KYNU: variants seen among roughly 807,000 people sequenced by gnomAD.
KYNU encodes L-kynurenine hydrolase.
A neutral mutation model predicts 59.2 loss-of-function variants in KYNU; 54 were observed. The ratio of observed to expected loss-of-function variants is 0.91; its 90% CI spans 0.73 to 1.14. The LOEUF (loss-of-function observed/expected upper bound fraction) is 1.14. KYNU is among the 50% of genes most tolerant of loss of function. KYNU has a pLI of 0.00. For synonymous variants in KYNU, 177 were observed against 192.0 expected, an observed-to-expected ratio of 0.92 and a Z score of 0.65; for missense variants, 567 against 554.4, an observed-to-expected ratio of 1.02 and a Z score of -0.23.
At chr2:143,024,410 T>C (rs1686494603) in intron 10 of KYNU, among the ~76,000 whole-genome samples, 1 of 152,048 alleles carries the variant, frequency 6.6e-6, no homozygotes, top group Non-Finnish European at 1.5e-5. Flanking sequence ...CTTGGCTGAC[T>C]TAAGTTCTTT....
chr2:142,945,997 C>A (rs1385915117), intron 4 of KYNU, among the ~76,000 whole-genome samples: 1 of 152,132 alleles, frequency 6.6e-6, no homozygotes, highest in Non-Finnish European at 1.5e-5. Flanking sequence ...TTTGGCCTCC[C>A]AAAGTGCTAG....
intron 8 of KYNU, among the ~76,000 whole-genome samples, chr2:142,977,910 A>G (rs1453591977): frequency 6.6e-6 from 1 of 152,208 alleles, no homozygotes; most frequent in Non-Finnish European, 1.5e-5. Flanking sequence ...ATTCACTCTG[A>G]AAAGAGGCAT....
At chr2:143,026,973 C>A (rs2104909686) in intron 10 of KYNU, among the ~76,000 whole-genome samples, 1 of 152,256 alleles carries the variant, frequency 6.6e-6, no homozygotes, top group Middle Eastern at 3.4e-3. Flanking sequence ...AATATAGGCA[C>A]AGGATGGGGC....
intron 10 of KYNU, among the ~76,000 whole-genome samples, chr2:143,004,486 G>T (rs1671570285): frequency 6.6e-6 from 1 of 152,146 alleles, no homozygotes; most frequent in African/African-American, 2.4e-5. Flanking sequence ...CGAGGTCAGT[G>T]GATCACTTGA....
chr2:143,043,821 A>C lies in KYNU; in HGVS notation c.*1649A>C, dbSNP rs910256576. 3.4e-5 allele frequency: 5 copies of C among 147,014 alleles called. No individual in the cohort carries two copies. Among genetic ancestry groups the C allele is most frequent in the Non-Finnish European group, 6.0e-5 (4 of 66,980 alleles). The allele number at this position is 147,014 out of a possible 1,614,324, so 9.1% of individuals were successfully genotyped here. On this transcript the variant is annotated 3_prime_UTR_variant, in exon 14 of 14. Transcript: ENST00000264170. ...TTTATATAAATATATATAAAGTATA[A>C]TATATATAAAGTATAAATATATATA...
At chr2:142,970,231 G>C (rs1043497729) in intron 8 of KYNU, among the ~76,000 whole-genome samples, 1 of 152,088 alleles carries the variant, frequency 6.6e-6, no homozygotes, top group African/African-American at 2.4e-5. Context: ...AAATATTTTC[G>C]CAGCAGATAA....
intron 10 of KYNU, among the ~76,000 whole-genome samples, chr2:143,007,962 T>C (rs1485809273): frequency 1.6e-5 from 2 of 121,934 alleles, no homozygotes; most frequent in African/African-American, 7.2e-5. Context: ...CATGCCAAAA[T>C]GTAAAGACCA....
chr2:142,988,788 T>C lies in KYNU; in HGVS notation c.902+2767T>C. The C allele has an allele frequency of 2.4e-6, 3 of 1,226,272 alleles. No individual in the cohort carries two copies. The South Asian group carries it at 3.6e-5, about 15-fold the overall frequency. The allele number at this position is 1,226,272 out of a possible 1,614,324, so 76.0% of individuals were successfully genotyped here. A position where few individuals can be genotyped will look rare whatever the true frequency, so the allele number is the denominator to read the frequency against. Reference sequence around the variant, plus strand: ...GACTGATCTCAGTGCTGTCAACTTCTAGCCTTGGCTCTCTATTCTGTACCA... The same window carrying C: ...GACTGATCTCAGTGCTGTCAACTTCCAGCCTTGGCTCTCTATTCTGTACCA... On this transcript the variant is annotated intron_variant, in intron 10 of 13. Transcript: ENST00000264170.
chr2:143,005,825 C>A lies in KYNU; in HGVS notation c.902+19804C>A, dbSNP rs370018445. On this transcript the variant is annotated intron_variant, in intron 10 of 13. Coordinates refer to ENST00000264170, the MANE Select transcript of KYNU (RefSeq NM_003937.3). The stretch of plus-strand genomic sequence containing the variant: ...TAGAGAATGATAGATTATTGGTTTA[C>A]AAAGACCAGTCTGAATAGAAAAGGA... Among the ~76,000 whole-genome samples, 73 of 152,094 alleles carry A rather than the reference C, an allele frequency of 4.8e-4. 1 individual carries two copies. Among genetic ancestry groups the A allele is most frequent in the African/African-American group, 1.7e-3 (70 of 41,528 alleles).
At position 143,054,322 on chromosome 2, in the gene KYNU, T is replaced by C. The variant is rs1027830798; in HGVS notation, c.*12150T>C. 1 of 152,172 alleles carries C rather than the reference T, an allele frequency of 6.6e-6. No homozygotes were observed. The highest frequency in any genetic ancestry group is 2.1e-4 in the South Asian group (1 of 4,832). 9.4% of individuals were successfully genotyped at this position (152,172 alleles called of 1,614,324 possible). The stretch of plus-strand genomic sequence containing the variant: ...AAAGGCAATTCACAATTCTCTCTTT[T>C]CTCATATATAATATAGAGCATATTA... On this transcript the variant is annotated 3_prime_UTR_variant, in exon 14 of 14. Coordinates refer to ENST00000264170, the MANE Select transcript of KYNU (RefSeq NM_003937.3).
intron 1 of KYNU, among the ~76,000 whole-genome samples, chr2:142,885,122 C>T (rs543959050): frequency 1.2e-3 from 175 of 142,368 alleles, no homozygotes; most frequent in African/African-American, 4.4e-3. Flanking sequence ...ACCTCGGCCT[C>T]CCAAAGTGCT....
chr2:143,017,262 C>T (rs745986342), intron 10 of KYNU, among the ~76,000 whole-genome samples: 76 of 151,736 alleles, frequency 5.0e-4, no homozygotes, highest in Non-Finnish European at 6.2e-4. Flanking sequence ...TGGATATGTA[C>T]CCAGTAATGA....
chr2:142,946,125 A>G (rs997885318), intron 4 of KYNU, among the ~76,000 whole-genome samples: 1 of 151,894 alleles, frequency 6.6e-6, no homozygotes, highest in Non-Finnish European at 1.5e-5. Context: ...GCTCTGTCAC[A>G]CAGGCTGGAA....
chr2:142,929,030 A>AAC (rs1683130056), intron 4 of KYNU, among the ~76,000 whole-genome samples: 2 of 149,702 alleles, frequency 1.3e-5, no homozygotes, highest in Non-Finnish European at 3.0e-5. Flanking sequence ...AAAAAACAAA[A>AAC]AACGAACAAC....
intron 2 of KYNU, among the ~76,000 whole-genome samples, chr2:142,900,872 G>A (rs2104944990): frequency 6.6e-6 from 1 of 152,230 alleles, no homozygotes; most frequent in Admixed American, 6.5e-5. Flanking sequence ...GTAGATTTTA[G>A]TCATGGACTG....
intron 10 of KYNU, among the ~76,000 whole-genome samples, chr2:142,999,822 AAGAC>A (rs1349419851): frequency 2.6e-5 from 4 of 152,126 alleles, no homozygotes; most frequent in African/African-American, 9.7e-5. Flanking sequence ...AAATTTTAAT[AAGAC>A]AGAAATCTCA....
At chr2:142,884,797 C>T (rs1246197625) in intron 1 of KYNU, among the ~76,000 whole-genome samples, 1 of 148,716 alleles carries the variant, frequency 6.7e-6, no homozygotes, top group Admixed American at 6.7e-5. Flanking sequence ...ACCTCCACCT[C>T]CTGGGTTCAA....
chr2:142,989,272 G>T, intron 10 of KYNU: 1 of 529,362 alleles, frequency 1.9e-6, no homozygotes, highest in Non-Finnish European at 2.5e-6. Context: ...TCAGTTGTTA[G>T]CATTCCACGA....
At chr2:142,918,523 G>C in intron 2 of KYNU, 86 bp from the exon 3 acceptor site, 2 of 1,328,950 alleles carry the variant, frequency 1.5e-6, no homozygotes, top group African/African-American at 3.0e-5. Context: ...AGAGTTGATT[G>C]TATTAATTAT....
Sources: gnomAD v4.1 joint callset for allele counts (sites outside exome capture counted in the v4.1 genomes callset) on GRCh38, gnomAD v4.1.1 for gene constraint, MANE v1.5 for transcripts, NCBI Gene and HGNC (gene_info 2026-07-23, HGNC 2026-07-21) for gene names.